Variants in ERCC2 observed in about 807,000 individuals in gnomAD.
ERCC2 encodes ERCC excision repair 2, TFIIH core complex helicase subunit, also known as general transcription and DNA repair factor IIH helicase subunit XPD.
In ERCC2, 90 loss-of-function variants were observed where a neutral mutation model predicts 99.4. The observed-to-expected ratio is 0.91, with a 90% confidence interval of 0.76 to 1.08. ERCC2 has a LOEUF of 1.08. Ranked by LOEUF, ERCC2 falls within the 50% of genes least tolerant of loss-of-function variation. The pLI, the probability that ERCC2 is intolerant of heterozygous loss-of-function variation, is 0.00. For synonymous variants in ERCC2, 497 were observed against 432.4 expected (o/e 1.15, Z -1.85); for missense variants, 993 against 1,038.1 (o/e 0.96, Z 0.60).
chr19:45,360,657 C>T (rs1392116754), intron 12 of ERCC2, among the ~76,000 whole-genome samples: 6 of 86,558 alleles, frequency 6.9e-5, no homozygotes, highest in African/African-American at 1.9e-4. Context: ...GGATTATGGG[C>T]GTGAGCCACC....
In ERCC2 at chr19:45,357,363, G is replaced by C. The variant is rs763246366; in HGVS notation, c.1386C>G (p.Ser462=). ...QSVIITSGTL[S]PLDIYPKILD... Reference sequence around the variant, plus strand: ...GGATCTTGGGGTAGATGTCCAGCGGGGACAGTGTCTGTGGCGGGACAGTGG... The same window carrying C: ...GGATCTTGGGGTAGATGTCCAGCGGCGACAGTGTCTGTGGCGGGACAGTGG... The change falls in exon 15 of 23, where the codon TCC becomes TCG. Residue 462 remains serine, a synonymous_variant. Coordinates refer to ENST00000391945, the MANE Select transcript of ERCC2 (RefSeq NM_000400.4). The C allele has an allele frequency of 1.1e-5, 18 of 1,613,640 alleles. No homozygotes were observed. Among genetic ancestry groups the C allele is most frequent in the Non-Finnish European group, 1.5e-5 (18 of 1,179,654 alleles).
intron 17 of ERCC2, 73 bp downstream of exon 17, chr19:45,354,657 A>G: frequency 6.3e-7 from 1 of 1,589,204 alleles, no homozygotes. Context: ...GTGTGAGAGG[A>G]ATGAAGCTGA....
chr19:45,357,852 C>A, intron 12 of ERCC2, 153 bp from the exon 13 acceptor site: 1 of 725,420 alleles, frequency 1.4e-6, no homozygotes, highest in South Asian at 1.6e-5. Context: ...GCTTAAGCCC[C>A]AAACCAGGCA....
chr19:45,353,195 CA>C, intron 18 of ERCC2, 40 bp from the exon 19 acceptor site: 1 of 1,612,716 alleles, frequency 6.2e-7, no homozygotes. Flanking sequence ...GGTCACTCCT[CA>C]GAGCCACCTC....
intron 15 of ERCC2, 85 bp from the exon 16 acceptor site, chr19:45,355,813 G>T: frequency 2.1e-5 from 17 of 826,978 alleles, no homozygotes; most frequent in Non-Finnish European, 2.8e-5. Context: ...GCTGTTCTAA[G>T]CTTTTTTTTT....
At chr19:45,352,097 TGAGGGCAG>T (rs896893889) in intron 22 of ERCC2, 104 bp downstream of exon 22, 8 of 1,259,104 alleles carry the variant, frequency 6.4e-6, no homozygotes, top group East Asian at 4.9e-5. Context: ...TTCTCTTTGC[TGAGGGCAG>T]GAGGACAGGC....
At position 45,351,679 on chromosome 19, in the gene ERCC2, C is replaced by G. The variant is rs1368756364; in HGVS notation, c.2233G>C (p.Glu745Gln). The change falls in exon 23 of 23, where the codon GAA becomes CAA. Residue 745 changes from glutamate to glutamine, a missense_variant. By Grantham distance (29) the Glu-to-Gln change is conservative. Transcript: ENST00000391945. ...ATCCTCTTCAGCGTCTCCTCTGATTCTAGCTGCTCCAGGCTGAGCAGGGAC... is the reference window on the plus strand; with the variant it reads ...ATCCTCTTCAGCGTCTCCTCTGATTGTAGCTGCTCCAGGCTGAGCAGGGAC... Reference protein sequence around the residue: ...GLSLLSLEQLESEETLKRIEQ... With the variant: ...GLSLLSLEQLQSEETLKRIEQ... The G allele has an allele frequency of 1.2e-6, 2 of 1,614,040 alleles. No homozygotes were observed. Among genetic ancestry groups the G allele is most frequent in the East Asian group, 2.2e-5 (1 of 44,874 alleles).
chr19:45,360,504 A>G (rs988194185), intron 12 of ERCC2, among the ~76,000 whole-genome samples: 3 of 151,798 alleles, frequency 2.0e-5, no homozygotes, highest in African/African-American at 7.3e-5. Context: ...CAGCCTCTCA[A>G]GTAGCTGGGA....
chr19:45,367,264 G>A lies in ERCC2; in HGVS notation c.360+1366C>T, dbSNP rs1378421788. On this transcript the variant is annotated intron_variant, in intron 5 of 22. Coordinates refer to ENST00000391945, the MANE Select transcript of ERCC2 (RefSeq NM_000400.4). ...GCAGGAGAATTGCTTGAACCCGGGAGGCGGAGCTTGTAGTAAGCCAAGATC... is the reference window on the plus strand; with the variant it reads ...GCAGGAGAATTGCTTGAACCCGGGAAGCGGAGCTTGTAGTAAGCCAAGATC... Among the ~76,000 whole-genome samples, 5 of 151,978 alleles carry A rather than the reference G, an allele frequency of 3.3e-5. No individual in the cohort carries two copies. In the South Asian group the frequency reaches 8.3e-4, roughly 25 times the overall value.
chr19:45,361,782 T>C, intron 11 of ERCC2, 140 bp from the exon 12 acceptor site: 1 of 716,486 alleles, frequency 1.4e-6, no homozygotes. Context: ...TGGGCCTGTT[T>C]TGGAAACTTG....
Position 45,370,491 on chromosome 19 carries a change from C to T in ERCC2, c.5+45G>A, listed in dbSNP as rs3826908. 260 of 1,522,124 alleles carry T rather than the reference C, an allele frequency of 1.7e-4. No individual in the cohort carries two copies. The East Asian group carries it at 5.9e-3, about 34-fold the overall frequency. 94.3% of individuals were successfully genotyped at this position (1,522,124 alleles called of 1,614,324 possible). A position where few individuals can be genotyped will look rare whatever the true frequency, so the allele number is the denominator to read the frequency against. On this transcript the variant is annotated intron_variant, in intron 1 of 22. Coordinates refer to ENST00000391945, the MANE Select transcript of ERCC2 (RefSeq NM_000400.4). ...CCCACCGATGACCCCATCTTCAAGA[C>T]CCCCCGCGCCCGCTAGCGAGCGCGA...
chr19:45,354,286 G>C (rs1160270750), intron 17 of ERCC2, among the ~76,000 whole-genome samples: 1 of 152,214 alleles, frequency 6.6e-6, no homozygotes, highest in South Asian at 2.1e-4. Flanking sequence ...CTGCTTCCCT[G>C]AAGGGGCTCC....
chr19:45,370,390 T>C, intron 1 of ERCC2, 146 bp downstream of exon 1: 1 of 1,504,706 alleles, frequency 6.6e-7, no homozygotes. Context: ...GTCTCCTCGC[T>C]ATCACTGCTG....
rs1396520212 is a variant in ERCC2, at chr19:45,352,277, G to C, written c.2122C>G (p.Leu708Val). Residue 708 changes from leucine to valine, a missense_variant, in exon 22 of 23, where the codon CTG becomes GTG. Leu to Val is a conservative substitution (Grantham distance 32). Transcript: ENST00000391945. ...QEHLTDANLN[L>V]TVDEGVQVAK... ...ACCTGGACACCCTCGTCCACGGTCA[G>C]GTTGAGGTTGGCATCTGTGAGGTGC... 1 of 1,614,142 alleles carries C rather than the reference G, an allele frequency of 6.2e-7. No individual in the cohort carries two copies. Among genetic ancestry groups the C allele is most frequent in the South Asian group, 1.1e-5 (1 of 91,082 alleles).
intron 12 of ERCC2, chr19:45,358,329 C>T (rs1162572186): frequency 5.2e-6 from 1 of 193,964 alleles, no homozygotes; most frequent in African/African-American, 2.4e-5. Context: ...CTCCCACGAC[C>T]TTTCTACCTA....
Position 45,364,134 on chromosome 19 carries a change from G to T in ERCC2, c.816-15C>A. 1 of 1,611,740 alleles carries T rather than the reference G, an allele frequency of 6.2e-7. No homozygotes were observed. The highest frequency in any genetic ancestry group is 8.5e-7 in the Non-Finnish European group (1 of 1,179,252). On this transcript the variant is annotated splice_polypyrimidine_tract_variant and intron_variant, in intron 9 of 22. Coordinates refer to ENST00000391945, the MANE Select transcript of ERCC2 (RefSeq NM_000400.4). ...TCTCTTTGATCCTGCGGAGAGATGA[G>T]CTGGGGCTGGGAGGGGGCTGGCAAC...
intron 17 of ERCC2, among the ~76,000 whole-genome samples, chr19:45,354,208 T>G (rs2123234680): frequency 6.6e-6 from 1 of 152,302 alleles, no homozygotes; most frequent in Non-Finnish European, 1.5e-5. Flanking sequence ...CCCACCCATG[T>G]CCTGCTGGTC....
chr19:45,350,909 C>T lies in ERCC2; in HGVS notation c.*720G>A. On this transcript the variant is annotated 3_prime_UTR_variant, in exon 23 of 23. Coordinates refer to ENST00000391945, the MANE Select transcript of ERCC2 (RefSeq NM_000400.4). ...TGGAAAGGTCCCTCGTGGAGGGGGGCCACTCCTGGATTCACTCATTTCCTC... is the reference window on the plus strand; with the variant it reads ...TGGAAAGGTCCCTCGTGGAGGGGGGTCACTCCTGGATTCACTCATTTCCTC... 1 of 1,583,412 alleles carries T rather than the reference C, an allele frequency of 6.3e-7. No individual in the cohort carries two copies. Among genetic ancestry groups the T allele is most frequent in the Non-Finnish European group, 8.6e-7 (1 of 1,158,088 alleles).
chr19:45,367,606 C>G (rs3916802), intron 5 of ERCC2, among the ~76,000 whole-genome samples: 27 of 151,764 alleles, frequency 1.8e-4, no homozygotes, highest in African/African-American at 5.1e-4. Flanking sequence ...CAACCTCCCC[C>G]TCGGGAGTTC....
Sources: allele counts gnomAD v4.1 joint callset (sites outside exome capture counted in the v4.1 genomes callset), GRCh38; gene constraint gnomAD v4.1.1; transcripts MANE v1.5; gene names NCBI Gene and HGNC (gene_info 2026-07-23, HGNC 2026-07-21).